Variants in SUGCT observed in about 807,000 individuals in gnomAD.
SUGCT encodes succinyl-CoA:glutarate CoA-transferase.
SUGCT carries 41 observed loss-of-function variants against 55.0 expected under a neutral mutation model. The observed-to-expected ratio is 0.74, with a 90% CI of 0.58 to 0.97. SUGCT has a LOEUF of 0.97. SUGCT is among the 50% of genes least tolerant of loss of function. The pLI is 0.00. For synonymous variants in SUGCT, 187 were observed against 200.4 expected, an observed-to-expected ratio of 0.93 and a Z score of 0.56; for missense variants, 568 against 547.8, an observed-to-expected ratio of 1.04 and a Z score of -0.37.
chr7:40,887,025 G>T, the SUGCT span, among the ~76,000 whole-genome samples: 6 of 152,108 alleles, frequency 3.9e-5, no homozygotes, highest in Admixed American at 3.9e-4. Context: ...TTAGATAAAG[G>T]TCCTGTACAC....
At chr7:40,672,350 G>T (rs926862906) in intron 12 of SUGCT, among the ~76,000 whole-genome samples, 1 of 152,158 alleles carries the variant, frequency 6.6e-6, no homozygotes, top group Non-Finnish European at 1.5e-5. Context: ...ACTTTATTAA[G>T]AGATGAAAAG....
intron 13 of SUGCT, among the ~76,000 whole-genome samples, chr7:40,749,700 T>C (rs1423323036): frequency 6.6e-6 from 1 of 151,992 alleles, no homozygotes; most frequent in African/African-American, 2.4e-5. Context: ...CTCTAAGGAG[T>C]GTCGGATTGC....
chr7:40,442,706 C>A (rs558829985), intron 9 of SUGCT, among the ~76,000 whole-genome samples: 1 of 151,992 alleles, frequency 6.6e-6, no homozygotes, highest in South Asian at 2.1e-4. Flanking sequence ...TAAAAAGTCC[C>A]AAATTCTTAT....
At chr7:40,806,941 A>C (rs2128754013) in intron 13 of SUGCT, among the ~76,000 whole-genome samples, 1 of 152,264 alleles carries the variant, frequency 6.6e-6, no homozygotes, top group South Asian at 2.1e-4. Flanking sequence ...TCACCTCTTT[A>C]TATATAAGTT....
rs572592014 is a variant in SUGCT, at chr7:40,298,814, C to G, written c.721-17946C>G. 3.3e-5 allele frequency among the ~76,000 whole-genome samples: 5 copies of G among 151,960 alleles called. No homozygotes were observed. In the South Asian group the frequency reaches 1.0e-3, roughly 32 times the overall value. ...AGGTTTTTAGACAAATGAAGAAAAC[C>G]TGCTTTTGAGAAGCAATGATGGCTT... On this transcript the variant is annotated intron_variant, in intron 8 of 13. Transcript: ENST00000335693.
At chr7:40,824,284 A>G (rs968824833) in intron 13 of SUGCT, among the ~76,000 whole-genome samples, 4 of 152,186 alleles carry the variant, frequency 2.6e-5, no homozygotes, top group Non-Finnish European at 2.9e-5. Flanking sequence ...GATGTTCTTA[A>G]AATCCAAAGA....
At chr7:40,538,641 G>C (rs899067331) in intron 12 of SUGCT, 8 of 152,298 alleles carry the variant, frequency 5.3e-5, no homozygotes, top group Middle Eastern at 3.4e-3. Flanking sequence ...TAGCTTTGTA[G>C]GTAGTTCAGA....
At chr7:40,271,361 G>A (rs549052135) in intron 7 of SUGCT, among the ~76,000 whole-genome samples, 73 of 152,162 alleles carry the variant, frequency 4.8e-4, no homozygotes, top group African/African-American at 1.7e-3. Context: ...CAACTCCTGA[G>A]CTTAAGTGGC....
the SUGCT span, among the ~76,000 whole-genome samples, chr7:41,026,901 G>C: frequency 1.3e-5 from 2 of 152,040 alleles, no homozygotes; most frequent in African/African-American, 4.8e-5. Context: ...GAGAGGTGGC[G>C]CATGCCTGTA....
rs185727969 is a variant in SUGCT, at chr7:40,713,913, C to T, written c.1090-35521C>T. The stretch of plus-strand genomic sequence containing the variant: ...GAGGCATTTTAACCACATTAGGGGA[C>T]ATCATTTGGTATCTAACTTCCATTT... On this transcript the variant is annotated intron_variant, in intron 12 of 13. Transcript: ENST00000335693. Among the ~76,000 whole-genome samples, 9 of 152,350 alleles carry T rather than the reference C, an allele frequency of 5.9e-5. No individual in the cohort carries two copies. The East Asian group carries it at 9.6e-4, about 16-fold the overall frequency.
chr7:40,703,678 A>G (rs1029336260), intron 12 of SUGCT, among the ~76,000 whole-genome samples: 1 of 152,176 alleles, frequency 6.6e-6, no homozygotes, highest in Non-Finnish European at 1.5e-5. Flanking sequence ...AAGTTTCTAT[A>G]CTTATAATCC....
In SUGCT at chr7:40,324,261, A is replaced by ATATATATATATATATATATTTATT. The variant is rs377215730; in HGVS notation, c.816+7409_816+7410insATATATATATATATATTTATTTAT. ...AATAAATAAATAAATAAATATATATATATTTATTTTTTGAGACAGAGTCTT... is the reference window on the plus strand; with the variant it reads ...AATAAATAAATAAATAAATATATATATATATATATATATATATATTTATTTATTTATTTTTTGAGACAGAGTCTT... On this transcript the variant is annotated intron_variant, in intron 9 of 13. Coordinates refer to ENST00000335693, the MANE Select transcript of SUGCT (RefSeq NM_001193313.2). Among the ~76,000 whole-genome samples, 660 of 99,584 alleles carry ATATATATATATATATATATTTATT rather than the reference A, an allele frequency of 6.6e-3. 17 individuals carry two copies. Among genetic ancestry groups the ATATATATATATATATATATTTATT allele is most frequent in the Admixed American group, 0.013 (115 of 8,566 alleles). The allele number at this position is 99,584 out of a possible 152,430, so 65.3% of individuals were successfully genotyped here.
chr7:40,810,399 TC>T (rs1791349028), intron 13 of SUGCT, among the ~76,000 whole-genome samples: 1 of 152,216 alleles, frequency 6.6e-6, no homozygotes, highest in Non-Finnish European at 1.5e-5. Flanking sequence ...GTATAAATGT[TC>T]CTTCTTCTCT....
intron 12 of SUGCT, among the ~76,000 whole-genome samples, chr7:40,536,714 A>G (rs1794382052): frequency 6.6e-6 from 1 of 152,224 alleles, no homozygotes; most frequent in Admixed American, 6.5e-5. Context: ...AGACATATCA[A>G]TCACTAGTTA....
At chr7:40,855,231 T>C (rs989130548) in intron 13 of SUGCT, among the ~76,000 whole-genome samples, 1 of 150,870 alleles carries the variant, frequency 6.6e-6, no homozygotes, top group African/African-American at 2.4e-5. Context: ...AATGCTCTCT[T>C]CTCTATTCCT....
chr7:40,255,609 C>T (rs781288822), intron 7 of SUGCT, among the ~76,000 whole-genome samples: 2 of 132,442 alleles, frequency 1.5e-5, no homozygotes, highest in East Asian at 2.1e-4. Context: ...TGCAGTGAGC[C>T]GAGATCACGC....
At chr7:40,460,116 G>A (rs1024620987) in intron 11 of SUGCT, among the ~76,000 whole-genome samples, 2 of 152,060 alleles carry the variant, frequency 1.3e-5, no homozygotes, top group African/African-American at 2.4e-5. Context: ...CTAAAATTCC[G>A]CTGTTTTTAT....
At chr7:40,469,978 C>A (rs1027690251) in intron 11 of SUGCT, among the ~76,000 whole-genome samples, 6 of 152,142 alleles carry the variant, frequency 3.9e-5, no homozygotes, top group Non-Finnish European at 7.3e-5. Context: ...TGGATATCAT[C>A]AAATTTAACC....
chr7:40,911,917 T>C, the SUGCT span, among the ~76,000 whole-genome samples: 1 of 152,194 alleles, frequency 6.6e-6, no homozygotes, highest in Non-Finnish European at 1.5e-5. Flanking sequence ...TACGCGTGTG[T>C]GTGCACAGGT....
Sources: gnomAD v4.1 joint callset for allele counts (sites outside exome capture counted in the v4.1 genomes callset) on GRCh38, gnomAD v4.1.1 for gene constraint, MANE v1.5 for transcripts, NCBI Gene and HGNC (gene_info 2026-07-23, HGNC 2026-07-21) for gene names.